The following ICA1 variants were observed in gnomAD, a reference collection of about 807,000 sequenced individuals.
ICA1 encodes islet cell autoantigen 1.
ICA1 carries 40 observed loss-of-function variants against 71.0 expected under a neutral mutation model. The observed-to-expected ratio is 0.56, with a 90% CI of 0.44 to 0.73. The LOEUF (loss-of-function observed/expected upper bound fraction) is 0.73. ICA1 is among the 30% of genes least tolerant of loss of function. ICA1 has a pLI of 0.00. For missense variants in ICA1, 578 were observed against 576.5 expected, an observed-to-expected ratio of 1.00 and a Z score of -0.03; for synonymous variants, 207 against 209.5, an observed-to-expected ratio of 0.99 and a Z score of 0.10.
At chr7:8,248,876 C>G (rs111515931) in intron 1 of ICA1, among the ~76,000 whole-genome samples, 1 of 152,190 alleles carries the variant, frequency 6.6e-6, no homozygotes, top group African/African-American at 2.4e-5. Context: ...ATACAATCTA[C>G]GGTACAAATC....
rs187043230 is a variant in ICA1, at chr7:8,129,364, A to C, written c.1061-1222T>G. On this transcript the variant is annotated intron_variant, in intron 12 of 13. Transcript: ENST00000402384. ...AATGTATAAGATAATTAGTAAGTAA[A>C]GGCTTTTTTTTTAAAAAAAAAAAAG... Among the ~76,000 whole-genome samples the C allele has an allele frequency of 5.7e-3, 854 of 148,814 alleles. 7 individuals are homozygous for C. The highest frequency in any genetic ancestry group is 0.02 in the African/African-American group (793 of 40,504).
At chr7:8,166,393 A>G (rs779237940) in intron 6 of ICA1, among the ~76,000 whole-genome samples, 10 of 152,306 alleles carry the variant, frequency 6.6e-5, no homozygotes, top group Non-Finnish European at 1.0e-4. Context: ...AGTAATGGAG[A>G]AAGGACTCCA....
intron 12 of ICA1, among the ~76,000 whole-genome samples, chr7:8,128,958 G>T (rs1032681643): frequency 6.6e-6 from 1 of 152,114 alleles, no homozygotes; most frequent in South Asian, 2.1e-4. Flanking sequence ...TGTTAATAAC[G>T]GCCACCTCGG....
intron 9 of ICA1, 167 bp from the exon 10 acceptor site, chr7:8,141,984 C>G: frequency 6.7e-7 from 1 of 1,503,160 alleles, no homozygotes; most frequent in East Asian, 2.6e-5. Context: ...AATTTGCTGG[C>G]CTTCTTTCCC....
At chr7:8,114,315 C>T (rs998464872) in intron 13 of ICA1, among the ~76,000 whole-genome samples, 1 of 152,182 alleles carries the variant, frequency 6.6e-6, no homozygotes, top group African/African-American at 2.4e-5. Context: ...ATGGCCATAG[C>T]CCATGAAAAG....
intron 6 of ICA1, among the ~76,000 whole-genome samples, chr7:8,188,354 C>G (rs1784524656): frequency 1.3e-5 from 2 of 152,146 alleles, no homozygotes; most frequent in African/African-American, 4.8e-5. Context: ...TTGTAGCATC[C>G]TACACAGAGC....
intron 8 of ICA1, among the ~76,000 whole-genome samples, chr7:8,148,689 T>C (rs2128149526): frequency 1.3e-5 from 2 of 152,234 alleles, no homozygotes; most frequent in Middle Eastern, 6.8e-3. Flanking sequence ...TTTCAGGACA[T>C]TTTCAAGGGA....
At chr7:8,166,690 CAGAGA>C (rs931522368) in intron 6 of ICA1, among the ~76,000 whole-genome samples, 1 of 152,046 alleles carries the variant, frequency 6.6e-6, no homozygotes, top group African/African-American at 2.4e-5. Context: ...AAACTATCAA[CAGAGA>C]AAAAAGACAA....
chr7:8,156,724 T>G (rs1801641948), intron 8 of ICA1: 2 of 1,071,340 alleles, frequency 1.9e-6, no homozygotes, highest in South Asian at 4.3e-5. Flanking sequence ...GATATTTGAA[T>G]ATAATAATTA....
At chr7:8,148,435 CT>C (rs1319110854) in intron 8 of ICA1, among the ~76,000 whole-genome samples, 1 of 151,320 alleles carries the variant, frequency 6.6e-6, no homozygotes, top group Non-Finnish European at 1.5e-5. Flanking sequence ...GTACATATAA[CT>C]TAGATTTATT....
rs899846753 is a variant in ICA1, at chr7:8,123,989, T to C, written c.1330+3884A>G. ...TAGTAGCTGGCTGGGAAGGGTACGG[T>C]GAGGATTAAAATTCATCCATGTGAA... On this transcript the variant is annotated intron_variant, in intron 13 of 13. Coordinates refer to ENST00000402384, the MANE Select transcript of ICA1 (RefSeq NM_001136020.3). This position sits in a 1 kb window ranked among gnomAD's most constrained non-coding sequence, Gnocchi z 4.1. Among the ~76,000 whole-genome samples, 29 of 152,182 alleles carry C rather than the reference T, an allele frequency of 1.9e-4. No homozygotes were observed. Among genetic ancestry groups the C allele is most frequent in the African/African-American group, 7.0e-4 (29 of 41,438 alleles).
chr7:8,210,835 C>T (rs759038098), intron 6 of ICA1, among the ~76,000 whole-genome samples: 74 of 152,252 alleles, frequency 4.9e-4, no homozygotes, highest in Non-Finnish European at 8.1e-4. Flanking sequence ...ACCTCAGCTT[C>T]CTGGGTAGCT....
chr7:8,177,796 T>C (rs1423744977), intron 6 of ICA1, among the ~76,000 whole-genome samples: 1 of 152,160 alleles, frequency 6.6e-6, no homozygotes, highest in African/African-American at 2.4e-5. Context: ...AGGGAGATAG[T>C]ATTTATTCAC....
chr7:8,152,559 A>ACCACCACCACCACCACCATCTCCT (rs1799224395), intron 8 of ICA1, among the ~76,000 whole-genome samples: 2 of 133,256 alleles, frequency 1.5e-5, no homozygotes, highest in South Asian at 4.6e-4. Flanking sequence ...CACCTCCACC[A>ACCACCACCACCACCACCATCTCCT]CCACCACCAC....
intron 1 of ICA1, among the ~76,000 whole-genome samples, chr7:8,241,833 T>C (rs1485613220): frequency 2.0e-5 from 3 of 152,206 alleles, no homozygotes; most frequent in Non-Finnish European, 4.4e-5. Flanking sequence ...CATTACATAA[T>C]GGTAAAGGGG....
intron 6 of ICA1, among the ~76,000 whole-genome samples, chr7:8,175,115 T>C (rs1780168976): frequency 6.6e-6 from 1 of 151,836 alleles, no homozygotes; most frequent in South Asian, 2.1e-4. Flanking sequence ...AGTGAGAGGT[T>C]GAAAAGAATG....
chr7:8,223,706 T>C lies in ICA1; in HGVS notation c.257-2308A>G, dbSNP rs1425439476. 1 of 152,204 alleles carries C rather than the reference T, an allele frequency of 6.6e-6. No individual in the cohort carries two copies. The highest frequency in any genetic ancestry group is 2.4e-5 in the African/African-American group (1 of 41,420). The allele number at this position is 152,204 out of a possible 1,614,324, so 9.4% of individuals were successfully genotyped here. A position where few individuals can be genotyped will look rare whatever the true frequency, so the allele number is the denominator to read the frequency against. On this transcript the variant is annotated intron_variant, in intron 4 of 13. Transcript: ENST00000402384. This position sits in a 1 kb window ranked among gnomAD's most constrained non-coding sequence, Gnocchi z 4.1. ...CTTTTGGGAGGTAGAGGCAGGAGGA[T>C]TGCTTGATACTAGGAGTTCAAGACC...
intron 6 of ICA1, among the ~76,000 whole-genome samples, chr7:8,207,464 G>C (rs1396206912): frequency 1.3e-5 from 2 of 152,168 alleles, no homozygotes; most frequent in East Asian, 3.8e-4. Flanking sequence ...GATAGCTGCT[G>C]AAGATGAAGC....
At chr7:8,115,023 T>C (rs977767818) in intron 13 of ICA1, 1 of 152,192 alleles carries the variant, frequency 6.6e-6, no homozygotes, top group African/African-American at 2.4e-5. Flanking sequence ...AGTGAGGGGA[T>C]AGAGGCAATG....
Sources: gnomAD v4.1 joint callset for allele counts (sites outside exome capture counted in the v4.1 genomes callset) on GRCh38, gnomAD v4.1.1 for gene constraint, Gnocchi (gnomAD v3.1) non-coding constraint, MANE v1.5 for transcripts, NCBI Gene and HGNC (gene_info 2026-07-23, HGNC 2026-07-21) for gene names.